ERC2: variants seen among roughly 807,000 people sequenced by gnomAD.
ERC2 encodes ERC protein 2.
A neutral mutation model predicts 114.8 loss-of-function variants in ERC2; 42 were observed. The ratio of observed to expected loss-of-function variants is 0.37; its 90% CI spans 0.29 to 0.47. The LOEUF is 0.47. Ranked by LOEUF, ERC2 falls within the 20% of genes least tolerant of loss-of-function variation. ERC2 has a pLI of 0.99. For synonymous variants in ERC2, 454 were observed against 425.5 expected (o/e 1.07, Z -0.82); for missense variants, 939 against 1,150.7 (o/e 0.82, Z 2.66).
At chr3:56,310,710 T>G (rs2056486533) in intron 2 of ERC2, among the ~76,000 whole-genome samples, 1 of 152,068 alleles carries the variant, frequency 6.6e-6, no homozygotes, top group Non-Finnish European at 1.5e-5. Flanking sequence ...ATAACAGACC[T>G]CCATGCTACT....
intron 3 of ERC2, among the ~76,000 whole-genome samples, chr3:56,206,798 G>A (rs6774658): frequency 0.3 from 45,642 of 152,140 alleles, 8,443 homozygotes; most frequent in Middle Eastern, 0.42. Flanking sequence ...CAGTGTATCC[G>A]TAGGATGCTG....
intron 3 of ERC2, among the ~76,000 whole-genome samples, chr3:56,178,982 C>G (rs1280083552): frequency 6.6e-6 from 1 of 151,048 alleles, no homozygotes; most frequent in African/African-American, 2.4e-5. Flanking sequence ...TTTGGCTTTC[C>G]TAAGCCACAC....
intron 6 of ERC2, among the ~76,000 whole-genome samples, chr3:56,121,127 C>T (rs2079550582): frequency 6.6e-6 from 1 of 152,086 alleles, no homozygotes; most frequent in Admixed American, 6.5e-5. Context: ...TGTTTTCTCA[C>T]CTGTAGAATG....
chr3:55,721,536 T>C (rs2064551262), intron 15 of ERC2, among the ~76,000 whole-genome samples: 1 of 152,210 alleles, frequency 6.6e-6, no homozygotes, highest in Non-Finnish European at 1.5e-5. Context: ...AGCTTCTCTC[T>C]TTTACTTTAC....
At chr3:55,781,056 C>T (rs2069001224) in intron 14 of ERC2, among the ~76,000 whole-genome samples, 1 of 152,190 alleles carries the variant, frequency 6.6e-6, no homozygotes, top group Non-Finnish European at 1.5e-5. Flanking sequence ...TACATTTGGA[C>T]ATTATATCAT....
At position 56,011,904 on chromosome 3, in the gene ERC2, C is replaced by T. The variant is rs1003514562; in HGVS notation, c.1780-1315G>A. On this transcript the variant is annotated intron_variant, in intron 8 of 17. Coordinates refer to ENST00000288221, the MANE Select transcript of ERC2 (RefSeq NM_015576.3). ...AGTTAGCCTGTGATTTAAGATCCCC[C>T]GAGGAAGCAACTGTTCTACCCCACT... Among the ~76,000 whole-genome samples, 17 of 152,200 alleles carry T rather than the reference C, an allele frequency of 1.1e-4. No individual in the cohort carries two copies. The East Asian group carries it at 1.2e-3, about 10-fold the overall frequency.
intron 4 of ERC2, among the ~76,000 whole-genome samples, chr3:56,150,933 T>C (rs1349080191): frequency 3.3e-5 from 5 of 152,038 alleles, no homozygotes; most frequent in Non-Finnish European, 5.9e-5. Context: ...AGAGCCCTTA[T>C]AAGAAGAGAC....
intron 15 of ERC2, among the ~76,000 whole-genome samples, chr3:55,724,218 T>A (rs976586479): frequency 6.6e-6 from 1 of 152,150 alleles, no homozygotes. Flanking sequence ...CGGTGATGTC[T>A]GGTGATGCAG....
At chr3:55,662,265 C>A (rs78126152) in intron 17 of ERC2, among the ~76,000 whole-genome samples, 3,642 of 152,326 alleles carry the variant, frequency 0.024, 61 homozygotes, top group Non-Finnish European at 0.036. Context: ...AAGGCATATA[C>A]ACAAAATTAT....
At chr3:55,837,625 G>T (rs903885612) in intron 14 of ERC2, among the ~76,000 whole-genome samples, 1 of 150,954 alleles carries the variant, frequency 6.6e-6, no homozygotes, top group Non-Finnish European at 1.5e-5. Flanking sequence ...GAGGGGTAGG[G>T]ATAGCATTAG....
intron 14 of ERC2, among the ~76,000 whole-genome samples, chr3:55,758,062 A>T (rs1402068051): frequency 6.6e-6 from 1 of 152,014 alleles, no homozygotes; most frequent in African/African-American, 2.4e-5. Context: ...TTAATGACTT[A>T]AAAAAAATTC....
intron 2 of ERC2, among the ~76,000 whole-genome samples, chr3:56,424,378 C>T (rs970095431): frequency 6.6e-6 from 1 of 152,110 alleles, no homozygotes; most frequent in African/African-American, 2.4e-5. Context: ...TCCCAAGGTC[C>T]AGCACACAAG....
intron 2 of ERC2, among the ~76,000 whole-genome samples, chr3:56,415,026 G>A (rs917830389): frequency 2.6e-5 from 4 of 152,128 alleles, no homozygotes; most frequent in Non-Finnish European, 5.9e-5. Context: ...ACATCTTTCT[G>A]GTATTCAGGG....
At chr3:56,193,280 G>A (rs781411340) in intron 3 of ERC2, among the ~76,000 whole-genome samples, 5 of 152,236 alleles carry the variant, frequency 3.3e-5, no homozygotes, top group South Asian at 2.1e-4. Context: ...TTGGGAGGCC[G>A]AGGCAGGAGG....
intron 5 of ERC2, among the ~76,000 whole-genome samples, chr3:56,145,561 T>C (rs1037331134): frequency 9.2e-5 from 14 of 151,812 alleles, no homozygotes; most frequent in African/African-American, 3.4e-4. Flanking sequence ...GGAATTGGAG[T>C]TTCCAACAGA....
intron 17 of ERC2, among the ~76,000 whole-genome samples, chr3:55,654,946 TCTAA>T (rs1450091658): frequency 6.6e-6 from 1 of 152,178 alleles, no homozygotes; most frequent in Admixed American, 6.5e-5. Context: ...CAGCCCAACC[TCTAA>T]CTGCCCATTC....
intron 13 of ERC2, among the ~76,000 whole-genome samples, chr3:55,890,387 G>A (rs751569977): frequency 6.6e-6 from 1 of 152,068 alleles, no homozygotes; most frequent in Non-Finnish European, 1.5e-5. Context: ...GTCATAAATC[G>A]TTCTTTATTT....
chr3:55,699,071 A>G (rs1000367426), intron 16 of ERC2, among the ~76,000 whole-genome samples: 3 of 152,180 alleles, frequency 2.0e-5, no homozygotes, highest in Admixed American at 6.5e-5. Context: ...AAACTCTGAA[A>G]GAGACATTCC....
At chr3:56,139,058 C>T (rs1036780243) in intron 6 of ERC2, among the ~76,000 whole-genome samples, 3 of 152,132 alleles carry the variant, frequency 2.0e-5, no homozygotes, top group Admixed American at 1.3e-4. Context: ...CAAAGCAAGG[C>T]AGATGACATT....
Sources: gnomAD v4.1 joint callset for allele counts (sites outside exome capture counted in the v4.1 genomes callset) on GRCh38, gnomAD v4.1.1 for gene constraint, MANE v1.5 for transcripts, NCBI Gene and HGNC (gene_info 2026-07-23, HGNC 2026-07-21) for gene names.